The following TMEM131L variants were observed in gnomAD, a reference collection of about 807,000 sequenced individuals.
The protein encoded by TMEM131L is transmembrane protein 131-like.
TMEM131L carries 54 observed loss-of-function variants against 192.2 expected under a neutral mutation model. That is an observed-to-expected ratio of 0.28 (90% CI 0.23 to 0.35). The LOEUF (loss-of-function observed/expected upper bound fraction) is 0.35, where lower values mean the gene tolerates loss of function less well. TMEM131L is among the 10% of genes least tolerant of loss of function. The pLI is 1.00. For missense variants in TMEM131L, 1,888 were observed against 1,972.9 expected (o/e 0.96, Z 0.82); for synonymous variants, 701 against 704.9 (o/e 0.99, Z 0.09).
At chr4:153,627,955 G>C (rs1733965785) in intron 31 of TMEM131L, among the ~76,000 whole-genome samples, 1 of 152,180 alleles carries the variant, frequency 6.6e-6, no homozygotes, top group African/African-American at 2.4e-5. Context: ...AATAATCCCA[G>C]GCCCCTCACA....
At chr4:153,483,558 G>A (rs967127105) in intron 3 of TMEM131L, among the ~76,000 whole-genome samples, 4 of 152,066 alleles carry the variant, frequency 2.6e-5, no homozygotes, top group African/African-American at 9.7e-5. Flanking sequence ...AAAAAAGTGG[G>A]GCGTGGTGAT....
At chr4:153,579,377 A>G (rs1730180918) in intron 7 of TMEM131L, among the ~76,000 whole-genome samples, 1 of 152,184 alleles carries the variant, frequency 6.6e-6, no homozygotes, top group East Asian at 1.9e-4. Context: ...TTCATTTTAC[A>G]AATCATATTA....
intron 11 of TMEM131L, 86 bp from the exon 12 acceptor site, chr4:153,584,749 T>A (rs1293904310): frequency 2.4e-6 from 2 of 844,584 alleles, no homozygotes; most frequent in Non-Finnish European, 3.7e-6. Flanking sequence ...TGAATAAAAA[T>A]TTATAAATAA....
At chr4:153,535,366 G>A (rs554841538) in intron 3 of TMEM131L, among the ~76,000 whole-genome samples, 9 of 152,258 alleles carry the variant, frequency 5.9e-5, no homozygotes, top group Middle Eastern at 3.4e-3. Flanking sequence ...CAGTTGGGAA[G>A]GGTGCTGGGC....
At chr4:153,590,769 A>G (rs1371551382) in intron 16 of TMEM131L, among the ~76,000 whole-genome samples, 1 of 152,116 alleles carries the variant, frequency 6.6e-6, no homozygotes, top group Non-Finnish European at 1.5e-5. Context: ...TTTTGATGAT[A>G]AATTGTTCCA....
At chr4:153,630,360 C>T (rs1734128273) in intron 31 of TMEM131L, among the ~76,000 whole-genome samples, 2 of 152,190 alleles carry the variant, frequency 1.3e-5, no homozygotes, top group East Asian at 3.8e-4. Context: ...AGTCTCAGAC[C>T]CAACCAGCTG....
intron 3 of TMEM131L, among the ~76,000 whole-genome samples, chr4:153,530,404 G>A (rs182284748): frequency 6.6e-6 from 1 of 152,246 alleles, no homozygotes; most frequent in East Asian, 1.9e-4. Flanking sequence ...GTATGGTACA[G>A]TACTGGGACA....
At chr4:153,552,550 G>A (rs1253960346) in intron 4 of TMEM131L, among the ~76,000 whole-genome samples, 1 of 152,160 alleles carries the variant, frequency 6.6e-6, no homozygotes, top group Non-Finnish European at 1.5e-5. Context: ...ATCTCTAGAG[G>A]CCGGGCACGG....
chr4:153,549,212 C>T (rs1377099168), intron 3 of TMEM131L, among the ~76,000 whole-genome samples: 2 of 152,198 alleles, frequency 1.3e-5, no homozygotes, highest in Admixed American at 6.5e-5. Context: ...AGTGATCTGC[C>T]TGCCTTGGCC....
intron 19 of TMEM131L, among the ~76,000 whole-genome samples, chr4:153,595,087 AATT>A (rs899910228): frequency 3.3e-5 from 5 of 152,212 alleles, no homozygotes; most frequent in African/African-American, 1.2e-4. Flanking sequence ...GGATAAGAGA[AATT>A]ATTACTATTG....
chr4:153,570,852 G>A (rs544607697), intron 7 of TMEM131L, among the ~76,000 whole-genome samples: 20 of 152,256 alleles, frequency 1.3e-4, no homozygotes, highest in African/African-American at 4.6e-4. Flanking sequence ...GATGCCCTGA[G>A]GTGAGCAGTT....
intron 3 of TMEM131L, among the ~76,000 whole-genome samples, chr4:153,483,444 C>T (rs1732082786): frequency 6.7e-6 from 1 of 149,024 alleles, no homozygotes; most frequent in Non-Finnish European, 1.5e-5. Flanking sequence ...GCTCATGCCT[C>T]TAGCACTTTG....
At chr4:153,554,139 A>G (rs1381974815) in intron 4 of TMEM131L, 2 of 152,150 alleles carry the variant, frequency 1.3e-5, no homozygotes, top group Non-Finnish European at 2.9e-5. Context: ...TTGATGATTG[A>G]TATTATTTAC....
chr4:153,534,813 G>A (rs1050658835), intron 3 of TMEM131L, among the ~76,000 whole-genome samples: 1 of 152,318 alleles, frequency 6.6e-6, no homozygotes. Context: ...AGAGAGAACA[G>A]CCACTGCAAA....
intron 21 of TMEM131L, 123 bp downstream of exon 21, chr4:153,598,855 A>G: frequency 5.2e-6 from 4 of 771,790 alleles, no homozygotes; most frequent in South Asian, 3.6e-5. Context: ...AAAAATTTAT[A>G]GTAAATTCAT....
At chr4:153,506,634 G>A (rs1734004463) in intron 3 of TMEM131L, among the ~76,000 whole-genome samples, 2 of 152,086 alleles carry the variant, frequency 1.3e-5, no homozygotes, top group African/African-American at 2.4e-5. Flanking sequence ...CTGAGGTCAG[G>A]AGTTCAAGAT....
chr4:153,593,938 A>G lies in TMEM131L; in HGVS notation c.1995+67A>G. On this transcript the variant is annotated intron_variant, in intron 19 of 34. Transcript: ENST00000409959. ...CTAGACACATGAGCATACGGGCCTC[A>G]TTGATTTATGTTTAAAATGTCTTTT... is the stretch of plus-strand genomic sequence containing the variant. 5 of 1,021,806 alleles carry G rather than the reference A, an allele frequency of 4.9e-6. No homozygotes were observed. The Admixed American group carries it at 6.9e-5, about 14-fold the overall frequency. 63.3% of individuals were successfully genotyped at this position (1,021,806 alleles called of 1,614,324 possible). A position where few individuals can be genotyped will look rare whatever the true frequency, so the allele number is the denominator to read the frequency against.
chr4:153,512,189 T>A (rs1179617086), intron 3 of TMEM131L, among the ~76,000 whole-genome samples: 1 of 152,252 alleles, frequency 6.6e-6, no homozygotes, highest in Non-Finnish European at 1.5e-5. Flanking sequence ...AGAGATGTAA[T>A]GGTTTTATTT....
chr4:153,620,859 G>T lies in TMEM131L; in HGVS notation c.3671G>T (p.Arg1224Met), dbSNP rs757639681. The change falls in exon 27 of 35, where the codon AGG becomes ATG. Residue 1224 changes from arginine (R) to methionine (M), a missense_variant. Coordinates refer to ENST00000409959, the MANE Select transcript of TMEM131L (RefSeq NM_001131007.2). ...KSRTCRKNKKRGVAPVSRPPE... is the reference protein window; with the variant it reads ...KSRTCRKNKKMGVAPVSRPPE... Reference sequence around the variant, plus strand: ...CGAACATGTAGAAAGAACAAGAAAAGGGGTGTTGCTCCAGTCTCAAGGTGC... The same window carrying T: ...CGAACATGTAGAAAGAACAAGAAAATGGGTGTTGCTCCAGTCTCAAGGTGC... 3.1e-6 allele frequency: 5 copies of T among 1,598,374 alleles called. No individual in the cohort carries two copies. The highest frequency in any genetic ancestry group is 3.4e-6 in the Non-Finnish European group (4 of 1,174,640).
Sources: gnomAD v4.1 joint callset for allele counts (sites outside exome capture counted in the v4.1 genomes callset) on GRCh38, gnomAD v4.1.1 for gene constraint, MANE v1.5 for transcripts, NCBI Gene and HGNC (gene_info 2026-07-23, HGNC 2026-07-21) for gene names.